Variants in PEAK1 observed in about 807,000 individuals in gnomAD.
The protein encoded by PEAK1 is inactive tyrosine-protein kinase PEAK1.
A neutral mutation model predicts 124.7 loss-of-function variants in PEAK1; 54 were observed. That is an observed-to-expected ratio of 0.43 (90% CI 0.35 to 0.54). The LOEUF (loss-of-function observed/expected upper bound fraction) is 0.54, where lower values mean the gene tolerates loss of function less well. PEAK1 is among the 20% of genes least tolerant of loss of function. The probability of loss-of-function intolerance (pLI) is 0.01; values close to 1 mark genes in which losing one functional copy is unlikely to be tolerated. For missense variants in PEAK1, 2,046 were observed against 2,134.5 expected, an observed-to-expected ratio of 0.96 and a Z score of 0.82; for synonymous variants, 719 against 760.0, an observed-to-expected ratio of 0.95 and a Z score of 0.89.
In PEAK1 at chr15:77,181,632, G is replaced by A. The variant is rs558596912; in HGVS notation, c.295C>T (p.Pro99Ser). 2 of 1,614,092 alleles carry A rather than the reference G, an allele frequency of 1.2e-6. No individual in the cohort carries two copies. The highest frequency in any genetic ancestry group is 2.2e-5 in the East Asian group (1 of 44,874). ...LSIQEHCENK[P>S]VIIGWNRNRA... ...TTTCGGTTCCACCCTATGATGACAG[G>A]TTTGTTCTCACAGTGTTCTTGGATG... The change falls in exon 7 of 10, where the codon CCT becomes TCT. Residue 99 changes from proline (P) to serine (S), a missense_variant. Transcript: ENST00000682557.
At chr15:77,324,659 A>G (rs2065454866) in intron 2 of PEAK1, among the ~76,000 whole-genome samples, 1 of 152,128 alleles carries the variant, frequency 6.6e-6, no homozygotes, top group South Asian at 2.1e-4. Flanking sequence ...GAAGCTTACA[A>G]TCATGGCAGA....
intron 6 of PEAK1, among the ~76,000 whole-genome samples, chr15:77,194,038 C>T (rs529251121): frequency 1.4e-4 from 22 of 152,272 alleles, no homozygotes; most frequent in African/African-American, 4.6e-4. Flanking sequence ...TTTCCAAACA[C>T]AACTAATTAC....
intron 1 of PEAK1, among the ~76,000 whole-genome samples, chr15:77,377,133 C>T (rs2069092545): frequency 6.6e-6 from 1 of 152,252 alleles, no homozygotes; most frequent in East Asian, 1.9e-4. Flanking sequence ...GCCTGTAATC[C>T]CAACACTTTG....
intron 1 of PEAK1, chr15:77,401,472 T>C: frequency 1.1e-6 from 1 of 933,812 alleles, no homozygotes; most frequent in Non-Finnish European, 1.3e-6. Context: ...TGACAGTCAA[T>C]CTGCACTAGT....
At chr15:77,418,138 G>GTATACTATC in intron 1 of PEAK1, 1 of 983,820 alleles carries the variant, frequency 1.0e-6, no homozygotes, top group South Asian at 4.7e-5. Flanking sequence ...GAAAGTTTCT[G>GTATACTATC]TATACTATCA....
intron 7 of PEAK1, among the ~76,000 whole-genome samples, chr15:77,174,802 T>TC (rs2056744615): frequency 2.6e-5 from 4 of 152,172 alleles, no homozygotes; most frequent in Non-Finnish European, 5.9e-5. Flanking sequence ...AAGTCAATCC[T>TC]AAGCCAAAAG....
intron 5 of PEAK1, among the ~76,000 whole-genome samples, chr15:77,267,407 C>G (rs991428503): frequency 6.6e-6 from 1 of 152,134 alleles, no homozygotes; most frequent in African/African-American, 2.4e-5. Context: ...CCAATCAACA[C>G]AAAACCAGCT....
intron 7 of PEAK1, among the ~76,000 whole-genome samples, chr15:77,172,072 T>C (rs916616850): frequency 6.6e-6 from 1 of 152,192 alleles, no homozygotes; most frequent in Admixed American, 6.5e-5. Context: ...TATTCTTTGG[T>C]ACCATACCAG....
chr15:77,328,068 G>T (rs149681173), intron 2 of PEAK1, among the ~76,000 whole-genome samples: 1 of 152,196 alleles, frequency 6.6e-6, no homozygotes, highest in Non-Finnish European at 1.5e-5. Context: ...TCTGATAATG[G>T]ATCCTTCACT....
At chr15:77,226,044 GATATATATATATATATAT>G (rs1157824212) in intron 6 of PEAK1, among the ~76,000 whole-genome samples, 26 of 44,988 alleles carry the variant, frequency 5.8e-4, no homozygotes, top group Admixed American at 8.1e-4. Flanking sequence ...AAAATAAAGG[GATATATATATATATATAT>G]ATATATATAT....
chr15:77,201,232 C>CTTTT (rs11363810), intron 6 of PEAK1, among the ~76,000 whole-genome samples: 24 of 77,250 alleles, frequency 3.1e-4, no homozygotes, highest in South Asian at 7.4e-4. Context: ...GCCTTTGTGT[C>CTTTT]TTTTTTTTTT....
chr15:77,233,247 T>C (rs537588425), intron 6 of PEAK1, among the ~76,000 whole-genome samples: 2 of 152,302 alleles, frequency 1.3e-5, no homozygotes, highest in South Asian at 2.1e-4. Context: ...CTACCTTCCA[T>C]TTTCTCCTCA....
At chr15:77,366,088 A>T (rs968234778) in intron 1 of PEAK1, among the ~76,000 whole-genome samples, 1 of 152,214 alleles carries the variant, frequency 6.6e-6, no homozygotes, top group African/African-American at 2.4e-5. Context: ...TGTTTTAAAA[A>T]TAAGATTATA....
At chr15:77,348,563 TG>T in intron 2 of PEAK1, 3 of 968,592 alleles carry the variant, frequency 3.1e-6, no homozygotes, top group Non-Finnish European at 3.7e-6. Context: ...CAAGCTTAAG[TG>T]ACCAGCCCAG....
At chr15:77,345,767 A>G (rs1010986202) in intron 2 of PEAK1, 8 of 364,188 alleles carry the variant, frequency 2.2e-5, no homozygotes, top group Non-Finnish European at 3.0e-5. Flanking sequence ...ACACAAAAAG[A>G]TAAATGTTTG....
intron 6 of PEAK1, among the ~76,000 whole-genome samples, chr15:77,205,275 T>A (rs77042139): frequency 0.3 from 43,417 of 143,266 alleles, 6,654 homozygotes; most frequent in Middle Eastern, 0.39. Context: ...TGCCTTTTTT[T>A]AAAAAAAAAA....
At chr15:77,403,233 C>T in intron 1 of PEAK1, 3 of 985,380 alleles carry the variant, frequency 3.0e-6, no homozygotes, top group Non-Finnish European at 3.6e-6. Context: ...ATGGTGAAAG[C>T]AGTCAAGTCT....
Position 77,180,289 on chromosome 15 carries a change from A to C in PEAK1, c.1638T>G (p.Pro546=), listed in dbSNP as rs766932678. 3.7e-6 allele frequency: 6 copies of C among 1,614,042 alleles called. No homozygotes were observed. The highest frequency in any genetic ancestry group is 5.1e-6 in the Non-Finnish European group (6 of 1,180,006). Residue 546 remains proline, a synonymous_variant, in exon 7 of 10, where the codon CCT becomes CCG. Coordinates refer to ENST00000682557, the MANE Select transcript of PEAK1 (RefSeq NM_001385026.1). ...TSSTSPRQKI[P]KVELITSGTG... is the part of the protein sequence containing the mutation. Reference sequence around the variant, plus strand: ...TTCCACTAGTAATTAGTTCTACTTTAGGTATCTTTTGTCGTGGACTGGTGC... The same window carrying C: ...TTCCACTAGTAATTAGTTCTACTTTCGGTATCTTTTGTCGTGGACTGGTGC...
chr15:77,304,442 A>ATTTTTT (rs71145812), intron 2 of PEAK1, among the ~76,000 whole-genome samples: 31 of 86,492 alleles, frequency 3.6e-4, no homozygotes, highest in Non-Finnish European at 4.4e-4. Context: ...TCCTGTATAC[A>ATTTTTT]TTTTTTTTTT....
Sources: gnomAD v4.1 joint callset for allele counts (sites outside exome capture counted in the v4.1 genomes callset) on GRCh38, gnomAD v4.1.1 for gene constraint, MANE v1.5 for transcripts, NCBI Gene and HGNC (gene_info 2026-07-23, HGNC 2026-07-21) for gene names.